The following SRPRA variants were observed in gnomAD, a reference collection of about 807,000 sequenced individuals.
The protein encoded by SRPRA is SRP receptor subunit alpha.
In SRPRA, 30 loss-of-function variants were observed where a neutral mutation model predicts 61.1. The ratio of observed to expected loss-of-function variants is 0.49; its 90% confidence interval spans 0.37 to 0.67. The LOEUF is 0.67. Ranked by LOEUF, SRPRA falls within the 30% of genes least tolerant of loss-of-function variation. The pLI is 0.00. For missense variants in SRPRA, 759 were observed against 828.4 expected (o/e 0.92, Z 1.03); for synonymous variants, 324 against 299.7 (o/e 1.08, Z -0.84).
the SRPRA span, among the ~76,000 whole-genome samples, chr11:126,240,479 G>C: frequency 2.0e-5 from 3 of 151,872 alleles, no homozygotes; most frequent in African/African-American, 7.3e-5. Flanking sequence ...GAAGTCAGCT[G>C]AGCTATAGTC....
chr11:126,254,461 A>G, the SRPRA span: 1 of 1,611,934 alleles, frequency 6.2e-7, no homozygotes, highest in South Asian at 1.1e-5. Flanking sequence ...TGCTGGTCTC[A>G]GGAACTCCTT....
the SRPRA span, chr11:126,256,474 T>C: frequency 1.6e-6 from 2 of 1,216,456 alleles, no homozygotes; most frequent in Non-Finnish European, 2.3e-6. The surrounding 1 kb of genome is among the most constrained non-coding windows in gnomAD (Gnocchi z 6.6). Context: ...TAATTGGTCA[T>C]CACAGTCTGC....
chr11:126,260,143 C>A (rs1005313831), downstream of SRPRA, among the ~76,000 whole-genome samples: 73 of 152,230 alleles, frequency 4.8e-4, no homozygotes, highest in African/African-American at 1.7e-3. Context: ...GGCGATCCTC[C>A]CACCTCAGCC....
Position 126,264,549 on chromosome 11 carries a change from G to A in SRPRA, c.1526-10C>T. The A allele has an allele frequency of 1.2e-6, 2 of 1,612,028 alleles. No individual in the cohort carries two copies. The highest frequency in any genetic ancestry group is 1.7e-6 in the Non-Finnish European group (2 of 1,179,836). On this transcript the variant is annotated splice_polypyrimidine_tract_variant and intron_variant, in intron 11 of 13. Transcript: ENST00000332118. This position sits in a 1 kb window ranked among gnomAD's most constrained non-coding sequence, Gnocchi z 5.0. Reference sequence around the variant, plus strand: ...AAGCCTTGGTTACGTGCTAGAGAAAGAAAGTAGTCAACTCTGAACACCTGG... The same window carrying A: ...AAGCCTTGGTTACGTGCTAGAGAAAAAAAGTAGTCAACTCTGAACACCTGG...
At chr11:126,250,719 A>G in the SRPRA span, 1 of 1,612,416 alleles carries the variant, frequency 6.2e-7, no homozygotes, top group Admixed American at 1.7e-5. This position sits in a 1 kb window ranked among gnomAD's most constrained non-coding sequence, Gnocchi z 5.1. Flanking sequence ...CCTTGACCTT[A>G]CTGATGAGAA....
Position 126,267,234 on chromosome 11 carries a change from C to T in SRPRA, c.467G>A (p.Arg156Gln), listed in dbSNP as rs748607142. Residue 156 changes from arginine (R) to glutamine (Q), a missense_variant, in exon 4 of 14, where the codon CGG becomes CAG. This residue lies in a region of SRPRA where 475 missense variants were observed against 462.5 expected (regional missense o/e 1.03). Coordinates refer to ENST00000332118, the MANE Select transcript of SRPRA (RefSeq NM_003139.4). This position sits in a 1 kb window ranked among gnomAD's most constrained non-coding sequence, Gnocchi z 4.2. ...TGCTTTTTCCTTGGGCTTTTCCCCC[C>T]GTGTCTCAATCATGGACCTCACAGG... is the stretch of plus-strand genomic sequence containing the variant. The part of the protein sequence containing the change: ...KKPVRSMIET[R>Q]GEKPKEKAKN... 8.1e-6 allele frequency: 13 copies of T among 1,614,004 alleles called. No homozygotes were observed. The highest frequency in any genetic ancestry group is 1.6e-4 in the Middle Eastern group (1 of 6,084).
At chr11:126,256,595 A>G in the SRPRA span, 1 of 1,613,980 alleles carries the variant, frequency 6.2e-7, no homozygotes, top group Non-Finnish European at 8.5e-7. This position sits in a 1 kb window ranked among gnomAD's most constrained non-coding sequence, Gnocchi z 6.6. Flanking sequence ...TACGAAAACA[A>G]GTCATTTCTT....
At chr11:126,241,050 T>C in the SRPRA span, 1 of 1,566,548 alleles carries the variant, frequency 6.4e-7, no homozygotes, top group Non-Finnish European at 8.6e-7. Context: ...CTCCTGTGAG[T>C]ACCCTAGTAT....
chr11:126,265,862 CA>C lies in SRPRA; in HGVS notation c.1052-40del. ...GACAGGTATGTCAGTTCCATGTCAG[CA>C]ATGACCAATCTTTATGGTACAGGTG... On this transcript the variant is annotated intron_variant, in intron 8 of 13. Coordinates refer to ENST00000332118, the MANE Select transcript of SRPRA (RefSeq NM_003139.4). The surrounding 1 kb of genome is among the most constrained non-coding windows in gnomAD (Gnocchi z 6.3). 1.2e-6 allele frequency: 2 copies of C among 1,613,202 alleles called. No individual in the cohort carries two copies. The highest frequency in any genetic ancestry group is 2.7e-5 in the African/African-American group (2 of 75,044).
intron 6 of SRPRA, 63 bp downstream of exon 6, chr11:126,266,413 T>A (rs1950811366): frequency 6.3e-7 from 1 of 1,598,276 alleles, no homozygotes; most frequent in South Asian, 1.1e-5. Context: ...AGTATCACGT[T>A]CCCACACTCT....
chr11:126,255,568 C>T, the SRPRA span, among the ~76,000 whole-genome samples: 1 of 152,300 alleles, frequency 6.6e-6, no homozygotes, highest in East Asian at 1.9e-4. The surrounding 1 kb of genome is among the most constrained non-coding windows in gnomAD (Gnocchi z 4.6). Context: ...ATTATCTTCT[C>T]TGGTGATTCA....
At chr11:126,240,541 G>A in the SRPRA span, among the ~76,000 whole-genome samples, 2 of 152,134 alleles carry the variant, frequency 1.3e-5, no homozygotes, top group Non-Finnish European at 2.9e-5. Flanking sequence ...GAGAGGACTA[G>A]GAAGGGAAAA....
intron 6 of SRPRA, 74 bp downstream of exon 6, chr11:126,266,402 C>T: frequency 6.3e-7 from 1 of 1,593,412 alleles, no homozygotes; most frequent in Non-Finnish European, 8.6e-7. Context: ...ATTCAAATCC[C>T]AGTATCACGT....
At chr11:126,244,727 C>T in the SRPRA span, among the ~76,000 whole-genome samples, 2 of 152,142 alleles carry the variant, frequency 1.3e-5, no homozygotes, top group African/African-American at 4.8e-5. This position sits in a 1 kb window ranked among gnomAD's most constrained non-coding sequence, Gnocchi z 4.5. Flanking sequence ...TCACTTGAAC[C>T]TGGGAGCAGA....
At position 126,265,195 on chromosome 11, in the gene SRPRA, G is replaced by A. The variant is rs1014648277; in HGVS notation, c.1312-23C>T. ...AATCTGTGAAAAAGACGTAAGAAAA[G>A]TCACCTAAAGCCAGGATTTTGAGAC... On this transcript the variant is annotated intron_variant, in intron 10 of 13. Coordinates refer to ENST00000332118, the MANE Select transcript of SRPRA (RefSeq NM_003139.4). This position sits in a 1 kb window ranked among gnomAD's most constrained non-coding sequence, Gnocchi z 6.3. 2 of 1,614,032 alleles carry A rather than the reference G, an allele frequency of 1.2e-6. No individual in the cohort carries two copies. Among genetic ancestry groups the A allele is most frequent in the Non-Finnish European group, 8.5e-7 (1 of 1,179,928 alleles).
chr11:126,249,928 C>A, the SRPRA span, among the ~76,000 whole-genome samples: 1 of 151,976 alleles, frequency 6.6e-6, no homozygotes, highest in East Asian at 1.9e-4. Context: ...AAATTCATAT[C>A]CCTTGGCCAG....
the SRPRA span, chr11:126,254,219 T>G: frequency 6.7e-7 from 1 of 1,482,384 alleles, no homozygotes; most frequent in Non-Finnish European, 9.1e-7. Flanking sequence ...AGAAGTCTAG[T>G]CCTCAAAACA....
downstream of SRPRA, chr11:126,260,736 G>C (rs1950673213): frequency 6.6e-6 from 1 of 152,118 alleles, no homozygotes; most frequent in Non-Finnish European, 1.5e-5. Context: ...TGAGTACCAT[G>C]CCTGTTTATA....
At chr11:126,259,658 C>G (rs189023484), downstream of SRPRA, among the ~76,000 whole-genome samples, 302 of 151,722 alleles carry the variant, frequency 2.0e-3, 1 homozygote, top group Admixed American at 0.014. Flanking sequence ...GTCTCCTGAC[C>G]TCATGATCCA....
Sources: gnomAD v4.1 joint callset for allele counts (sites outside exome capture counted in the v4.1 genomes callset) on GRCh38, gnomAD v4.1.1 for gene constraint, gnomAD v4.1.1 regional missense constraint, Gnocchi (gnomAD v3.1) non-coding constraint, MANE v1.5 for transcripts, NCBI Gene and HGNC (gene_info 2026-07-23, HGNC 2026-07-21) for gene names.